ROBO2: variants seen among roughly 807,000 people sequenced by gnomAD.
ROBO2 encodes the protein roundabout homolog 2.
In ROBO2, 53 loss-of-function variants were observed where a neutral mutation model predicts 160.8. The ratio of observed to expected loss-of-function variants is 0.33; its 90% CI spans 0.26 to 0.41. The LOEUF (loss-of-function observed/expected upper bound fraction) is 0.41. ROBO2 is among the 10% of genes least tolerant of loss of function. ROBO2 has a pLI of 1.00. For missense variants in ROBO2, 1,577 were observed against 1,722.4 expected (o/e 0.92, Z 1.49); for synonymous variants, 664 against 611.7 (o/e 1.09, Z -1.26).
At chr3:76,732,522 A>C (rs1447114366) in intron 2 of ROBO2, among the ~76,000 whole-genome samples, 1 of 152,164 alleles carries the variant, frequency 6.6e-6, no homozygotes, top group Non-Finnish European at 1.5e-5. Context: ...GAAATTTATC[A>C]ATTCTTGATG....
At chr3:77,470,628 A>C (rs187031323) in intron 2 of ROBO2, among the ~76,000 whole-genome samples, 3 of 152,196 alleles carry the variant, frequency 2.0e-5, no homozygotes, top group Non-Finnish European at 4.4e-5. Flanking sequence ...AAGTGTCATT[A>C]TATGTGCCTG....
chr3:76,082,086 T>A (rs913302596), intron 2 of ROBO2, among the ~76,000 whole-genome samples: 4 of 152,164 alleles, frequency 2.6e-5, no homozygotes, highest in African/African-American at 9.6e-5. Context: ...TCTACAAGCA[T>A]CAGTCACTGA....
At chr3:77,063,195 C>T (rs915847290) in intron 1 of ROBO2, among the ~76,000 whole-genome samples, 5 of 152,138 alleles carry the variant, frequency 3.3e-5, no homozygotes, top group Non-Finnish European at 7.3e-5. Flanking sequence ...GGGTTGAGTT[C>T]AGAGTAAGGT....
At chr3:77,618,993 G>A (rs1233908924) in intron 22 of ROBO2, among the ~76,000 whole-genome samples, 2 of 152,082 alleles carry the variant, frequency 1.3e-5, no homozygotes, top group Non-Finnish European at 2.9e-5. Context: ...CAAGCTGAAG[G>A]GTTCTCAAAT....
intron 2 of ROBO2, among the ~76,000 whole-genome samples, chr3:76,037,260 CT>C (rs5850229): frequency 3.9e-3 from 535 of 137,100 alleles, no homozygotes; most frequent in Non-Finnish European, 4.5e-3. Flanking sequence ...TTTCTTTTTT[CT>C]TTTTTTTTTT....
chr3:77,212,592 G>A (rs1281542071), intron 2 of ROBO2, among the ~76,000 whole-genome samples: 1 of 152,016 alleles, frequency 6.6e-6, no homozygotes, highest in Non-Finnish European at 1.5e-5. Flanking sequence ...GATTGCCCTG[G>A]CCAGAACTTC....
chr3:76,899,370 A>C (rs3884407), intron 2 of ROBO2, among the ~76,000 whole-genome samples: 3 of 152,034 alleles, frequency 2.0e-5, no homozygotes, highest in African/African-American at 7.2e-5. Flanking sequence ...AAGAGCACAG[A>C]ATAACAATAC....
chr3:76,014,203 A>G lies in ROBO2; in HGVS notation c.109+76601A>G, dbSNP rs987772938. Among the ~76,000 whole-genome samples the G allele has an allele frequency of 6.7e-5, 9 of 133,666 alleles. No homozygotes were observed. The South Asian group carries it at 1.8e-3, about 27-fold the overall frequency. 87.7% of individuals were successfully genotyped at this position (133,666 alleles called of 152,430 possible). A position where few individuals can be genotyped will look rare whatever the true frequency, so the allele number is the denominator to read the frequency against. ...CACGGTGGTCTATGCGTGTAATCCC[A>G]GAAGTAATATGTATAAAGGCATTTG... On this transcript the variant is annotated intron_variant, in intron 2 of 26. Transcript: ENST00000487694.
intron 2 of ROBO2, among the ~76,000 whole-genome samples, chr3:76,970,756 A>G (rs890259427): frequency 8.5e-5 from 13 of 152,336 alleles, no homozygotes; most frequent in South Asian, 2.1e-4. Flanking sequence ...GTAAAAATGG[A>G]TATTTAGGAC....
intron 2 of ROBO2, among the ~76,000 whole-genome samples, chr3:76,004,980 G>A (rs952811730): frequency 1.3e-5 from 2 of 152,158 alleles, no homozygotes; most frequent in South Asian, 2.1e-4. Context: ...GGTCATAAAG[G>A]CTGAAGCCTT....
At chr3:76,863,294 C>T (rs35542261) in intron 2 of ROBO2, among the ~76,000 whole-genome samples, 3 of 151,918 alleles carry the variant, frequency 2.0e-5, no homozygotes, top group Non-Finnish European at 4.4e-5. Context: ...ACATGTCCTT[C>T]ATAATTCAGA....
intron 2 of ROBO2, among the ~76,000 whole-genome samples, chr3:76,718,247 C>T (rs2093413044): frequency 6.6e-6 from 1 of 152,154 alleles, no homozygotes; most frequent in Non-Finnish European, 1.5e-5. Context: ...GCTTAGGAGT[C>T]CTGTGAGAAC....
intron 2 of ROBO2, among the ~76,000 whole-genome samples, chr3:76,979,331 A>G (rs1244700449): frequency 6.6e-6 from 1 of 151,992 alleles, no homozygotes; most frequent in Non-Finnish European, 1.5e-5. Flanking sequence ...TGTTCACTGT[A>G]CCTGTTAAGT....
At chr3:77,318,461 G>T (rs1264158612) in intron 2 of ROBO2, among the ~76,000 whole-genome samples, 2 of 152,164 alleles carry the variant, frequency 1.3e-5, no homozygotes. Flanking sequence ...TACCATTACA[G>T]ATAACGTTAT....
chr3:76,804,263 G>A lies in ROBO2; in HGVS notation c.110-293751G>A, dbSNP rs150829391. On this transcript the variant is annotated intron_variant, in intron 2 of 26. Transcript: ENST00000487694. ...GGGAACCTTCTCTGAGAGATAGTTT[G>A]ATCTTAGACAAAAGTCTCAGAAGAG... is the stretch of plus-strand genomic sequence containing the variant. 1.4e-3 allele frequency among the ~76,000 whole-genome samples: 218 copies of A among 152,264 alleles called. 1 individual carries two copies. Among genetic ancestry groups the A allele is most frequent in the African/African-American group, 5.1e-3 (213 of 41,562 alleles).
In ROBO2 at chr3:76,601,337, G is replaced by C. The variant is rs543395928; in HGVS notation, c.110-496677G>C. Among the ~76,000 whole-genome samples the C allele has an allele frequency of 2.9e-3, 437 of 152,278 alleles. 2 individuals carry two copies. The highest frequency in any genetic ancestry group is 9.6e-3 in the African/African-American group (398 of 41,558). ...GGTGCCCCAGTAGGGACCCTGTGTG[G>C]GGGTCCAACCCCACGTTTCCCTTCA... On this transcript the variant is annotated intron_variant, in intron 2 of 26. Transcript: ENST00000487694.
chr3:76,818,778 T>A (rs1274641051), intron 2 of ROBO2, among the ~76,000 whole-genome samples: 1 of 152,040 alleles, frequency 6.6e-6, no homozygotes, highest in South Asian at 2.1e-4. Flanking sequence ...AGTTTTTGGG[T>A]TTATTTCTGG....
chr3:77,483,645 T>C (rs1190499094), intron 4 of ROBO2, among the ~76,000 whole-genome samples: 4 of 150,800 alleles, frequency 2.7e-5, no homozygotes, highest in Admixed American at 6.6e-5. Flanking sequence ...CAGTTCAATC[T>C]TTATCTTAAG....
chr3:77,379,796 A>G (rs2073194284), intron 2 of ROBO2, among the ~76,000 whole-genome samples: 1 of 152,018 alleles, frequency 6.6e-6, no homozygotes, highest in South Asian at 2.1e-4. Context: ...TGTTCCATCC[A>G]GATGCCCTTT....
Sources: allele counts gnomAD v4.1 joint callset (sites outside exome capture counted in the v4.1 genomes callset), GRCh38; gene constraint gnomAD v4.1.1; transcripts MANE v1.5; gene names NCBI Gene and HGNC (gene_info 2026-07-23, HGNC 2026-07-21).